Variants in ADGRL2 observed in about 807,000 individuals in gnomAD.
The protein encoded by ADGRL2 is calcium-independent alpha-latrotoxin receptor 2.
A neutral mutation model predicts 157.4 loss-of-function variants in ADGRL2; 44 were observed. The ratio of observed to expected loss-of-function variants is 0.28; its 90% CI spans 0.22 to 0.36. The LOEUF (loss-of-function observed/expected upper bound fraction) is 0.36, where lower values mean the gene tolerates loss of function less well. Ranked by LOEUF, ADGRL2 falls within the 10% of genes least tolerant of loss-of-function variation. The pLI is 1.00. For synonymous variants in ADGRL2, 585 were observed against 624.7 expected, an observed-to-expected ratio of 0.94 and a Z score of 0.95; for missense variants, 1,510 against 1,768.9, an observed-to-expected ratio of 0.85 and a Z score of 2.63.
At chr1:81,534,126 GTTATT>G (rs1348492455) in intron 2 of ADGRL2, among the ~76,000 whole-genome samples, 1 of 151,892 alleles carries the variant, frequency 6.6e-6, no homozygotes, top group East Asian at 1.9e-4. Flanking sequence ...CTAATTACAA[GTTATT>G]TTATTTTATT....
intron 1 of ADGRL2, among the ~76,000 whole-genome samples, chr1:81,375,911 C>T (rs937821515): frequency 2.6e-5 from 4 of 152,008 alleles, no homozygotes; most frequent in Non-Finnish European, 5.9e-5. Flanking sequence ...CATCCTTTGA[C>T]ATTCTGTTAA....
At chr1:81,812,980 C>G (rs2090024278) in intron 1 of ADGRL2, among the ~76,000 whole-genome samples, 1 of 151,686 alleles carries the variant, frequency 6.6e-6, no homozygotes, top group Admixed American at 6.6e-5. Flanking sequence ...AATTGTAAGC[C>G]AGATACTTAG....
chr1:81,502,690 T>A (rs2078880072), intron 2 of ADGRL2: 7 of 1,613,250 alleles, frequency 4.3e-6, no homozygotes, highest in Non-Finnish European at 5.1e-6. Flanking sequence ...TCTGTATGCC[T>A]ATGAGTGTGA....
At chr1:81,442,749 T>G (rs952464298) in intron 1 of ADGRL2, among the ~76,000 whole-genome samples, 1 of 152,340 alleles carries the variant, frequency 6.6e-6, no homozygotes, top group Non-Finnish European at 1.5e-5. Flanking sequence ...GACCTATCCA[T>G]GAGCCCTCAG....
chr1:81,412,227 C>T (rs536902314), intron 1 of ADGRL2, among the ~76,000 whole-genome samples: 2 of 152,304 alleles, frequency 1.3e-5, no homozygotes, highest in Admixed American at 1.3e-4. Flanking sequence ...CCCAGGAAAT[C>T]TGGTTCCAAA....
intron 2 of ADGRL2, among the ~76,000 whole-genome samples, chr1:81,480,486 A>T (rs2078361984): frequency 6.6e-6 from 1 of 152,192 alleles, no homozygotes; most frequent in African/African-American, 2.4e-5. Context: ...AATATTTCAC[A>T]TTATAAGTTT....
At chr1:81,428,877 T>C (rs186286466) in intron 1 of ADGRL2, among the ~76,000 whole-genome samples, 1 of 151,956 alleles carries the variant, frequency 6.6e-6, no homozygotes, top group African/African-American at 2.4e-5. Context: ...AGAGGGACAG[T>C]GGGAGAAGGT....
intron 2 of ADGRL2, among the ~76,000 whole-genome samples, chr1:81,505,602 G>C (rs1201242229): frequency 6.6e-6 from 1 of 150,908 alleles, no homozygotes; most frequent in Non-Finnish European, 1.5e-5. Context: ...GGCCCAAGCA[G>C]AGCTTCCCCT....
chr1:81,763,016 C>G lies in ADGRL2; in HGVS notation c.-101+1164C>G, dbSNP rs372534486. On this transcript the variant is annotated intron_variant, in intron 2 of 20. Coordinates refer to the ADGRL2 transcript ENST00000359929. Reference sequence around the variant, plus strand: ...GCAGTGGGCCGAGTGCCACTGCACTCCAGTCTGGGTGACAGAGCCAGACTC... The same window carrying G: ...GCAGTGGGCCGAGTGCCACTGCACTGCAGTCTGGGTGACAGAGCCAGACTC... Among the ~76,000 whole-genome samples, 437 of 137,204 alleles carry G rather than the reference C, an allele frequency of 3.2e-3. 1 individual carries two copies. Among genetic ancestry groups the G allele is most frequent in the African/African-American group, 0.012 (423 of 36,210 alleles). The allele number at this position is 137,204 out of a possible 152,430, so 90.0% of individuals were successfully genotyped here.
At chr1:81,325,915 G>A (rs1461993599) in intron 1 of ADGRL2, among the ~76,000 whole-genome samples, 1 of 151,418 alleles carries the variant, frequency 6.6e-6, no homozygotes, top group Non-Finnish European at 1.5e-5. Flanking sequence ...TCTAGGCCCA[G>A]AGACCCAGAG....
chr1:81,323,129 A>G (rs1193392154), intron 1 of ADGRL2, among the ~76,000 whole-genome samples: 4 of 151,990 alleles, frequency 2.6e-5, no homozygotes, highest in African/African-American at 9.7e-5. Flanking sequence ...AAATGCTGGG[A>G]TTACAGGTGT....
In ADGRL2 at chr1:81,571,349, C is replaced by T. The variant is rs560731715; in HGVS notation, c.-247-9527C>T. Among the ~76,000 whole-genome samples the T allele has an allele frequency of 2.4e-3, 349 of 143,392 alleles. 1 individual carries two copies. The highest frequency in any genetic ancestry group is 8.2e-3 in the African/African-American group (322 of 39,066). The allele number at this position is 143,392 out of a possible 152,430, so 94.1% of individuals were successfully genotyped here. A position where few individuals can be genotyped will look rare whatever the true frequency, so the allele number is the denominator to read the frequency against. On this transcript the variant is annotated intron_variant, in intron 2 of 24. Transcript: ENST00000370721. ...AAAAACAAATACAAATATATATATA[C>T]ATATATATATATAATATATATTTGT...
chr1:81,796,189 C>A (rs918366253), upstream of ADGRL2, among the ~76,000 whole-genome samples: 7 of 152,120 alleles, frequency 4.6e-5, no homozygotes, highest in African/African-American at 1.4e-4. Context: ...CGGGGTTTCA[C>A]TATCTTGGCC....
Position 81,624,206 on chromosome 1 carries a change from C to G in ADGRL2, c.-143+43226C>G, listed in dbSNP as rs190568798. Among the ~76,000 whole-genome samples, 30 of 152,202 alleles carry G rather than the reference C, an allele frequency of 2.0e-4. No homozygotes were observed. The East Asian group carries it at 5.8e-3, about 29-fold the overall frequency. On this transcript the variant is annotated intron_variant, in intron 3 of 24. Transcript: ENST00000370721. ...ATACATTTCTGTTGTTTTAAGCTGC[C>G]CAGTTTGTGGTATTTATTATGGAAG...
Position 81,325,459 on chromosome 1 carries a change from G to A in ADGRL2, c.-302+18950G>A, listed in dbSNP as rs142260901. On this transcript the variant is annotated intron_variant, in intron 1 of 24. Transcript: ENST00000370721. ...AAGATTCTCTCGTAGGTCACTGCAG[G>A]TGTTTGGTAAGTCATTTAATTGTTG... Among the ~76,000 whole-genome samples, 126 of 152,304 alleles carry A rather than the reference G, an allele frequency of 8.3e-4. 1 individual carries two copies. Among genetic ancestry groups the A allele is most frequent in the African/African-American group, 2.9e-3 (121 of 41,568 alleles).
intron 2 of ADGRL2, among the ~76,000 whole-genome samples, chr1:81,501,523 C>T (rs576857130): frequency 6.6e-6 from 1 of 152,226 alleles, no homozygotes; most frequent in East Asian, 1.9e-4. Flanking sequence ...TATCTTGGTT[C>T]ACTCATCGAG....
At chr1:81,807,622 T>A (rs1259550932) in intron 1 of ADGRL2, among the ~76,000 whole-genome samples, 1 of 152,022 alleles carries the variant, frequency 6.6e-6, no homozygotes, top group Non-Finnish European at 1.5e-5. Context: ...TAGGGAATTA[T>A]AATCCTTGAC....
At chr1:81,905,742 G>A (rs2094571333) in intron 2 of ADGRL2, among the ~76,000 whole-genome samples, 1 of 152,046 alleles carries the variant, frequency 6.6e-6, no homozygotes, top group Non-Finnish European at 1.5e-5. Flanking sequence ...ATTGCAAATT[G>A]CCTCTGTATT....
chr1:81,838,547 AAATCTTGTGTGTAGTCTG>A (rs2092398595), intron 2 of ADGRL2, among the ~76,000 whole-genome samples: 2 of 152,224 alleles, frequency 1.3e-5, no homozygotes, highest in Admixed American at 1.3e-4. Flanking sequence ...ATTGTTGTGA[AAATCTTGTGTGTAGTCTG>A]ATGATTTTAC....
Sources: allele counts gnomAD v4.1 joint callset (sites outside exome capture counted in the v4.1 genomes callset), GRCh38; gene constraint gnomAD v4.1.1; transcripts MANE v1.5; gene names NCBI Gene and HGNC (gene_info 2026-07-23, HGNC 2026-07-21).